The following COL23A1 variants were observed in gnomAD, a reference collection of about 807,000 sequenced individuals.
COL23A1 encodes collagen alpha-1(XXIII) chain.
A neutral mutation model predicts 99.3 loss-of-function variants in COL23A1; 97 were observed. The ratio of observed to expected loss-of-function variants is 0.98; its 90% CI spans 0.83 to 1.16. The LOEUF is 1.16. Ranked by LOEUF, COL23A1 falls within the 50% of genes most tolerant of loss-of-function variation. The pLI, the probability that COL23A1 is intolerant of heterozygous loss-of-function variation, is 0.00. For missense variants in COL23A1, 762 were observed against 757.4 expected, an observed-to-expected ratio of 1.01 and a Z score of -0.07; for synonymous variants, 320 against 308.2, an observed-to-expected ratio of 1.04 and a Z score of -0.40.
At chr5:178,271,452 T>C (rs971436162) in intron 5 of COL23A1, among the ~76,000 whole-genome samples, 17 of 152,214 alleles carry the variant, frequency 1.1e-4, no homozygotes, top group African/African-American at 3.6e-4. Flanking sequence ...TCTAGGGTTT[T>C]CTCCTTCCCA....
chr5:178,285,301 G>A (rs1041383806), intron 5 of COL23A1, among the ~76,000 whole-genome samples: 2 of 152,286 alleles, frequency 1.3e-5, no homozygotes, highest in East Asian at 3.9e-4. Flanking sequence ...CTCTATCCTT[G>A]CTCTTAGAAA....
At chr5:178,252,878 C>A (rs146672247) in intron 16 of COL23A1, among the ~76,000 whole-genome samples, 2 of 152,232 alleles carry the variant, frequency 1.3e-5, no homozygotes, top group Non-Finnish European at 2.9e-5. Context: ...GATTTCTTCA[C>A]GATGTTCCCC....
chr5:178,355,151 C>G (rs1342979776), intron 2 of COL23A1, among the ~76,000 whole-genome samples: 1 of 151,948 alleles, frequency 6.6e-6, no homozygotes, highest in Non-Finnish European at 1.5e-5. Flanking sequence ...CTAGAGATGA[C>G]TTAAAGCATA....
intron 2 of COL23A1, among the ~76,000 whole-genome samples, chr5:178,386,896 G>T (rs1763706316): frequency 6.6e-6 from 1 of 152,152 alleles, no homozygotes; most frequent in Non-Finnish European, 1.5e-5. Context: ...CTGATCGGAT[G>T]CCTGGTAACT....
chr5:178,400,183 G>A lies in COL23A1; in HGVS notation c.362-93264C>T, dbSNP rs570079239. On this transcript the variant is annotated intron_variant, in intron 2 of 28. Coordinates refer to ENST00000390654, the MANE Select transcript of COL23A1 (RefSeq NM_173465.4). ...AGATCGAGACCATCCTGGCTAACACGGTGAAACCCTGTCCCTACTAAAAAT... is the reference window on the plus strand; with the variant it reads ...AGATCGAGACCATCCTGGCTAACACAGTGAAACCCTGTCCCTACTAAAAAT... 4.6e-5 allele frequency among the ~76,000 whole-genome samples: 7 copies of A among 152,038 alleles called. No individual in the cohort carries two copies. In the South Asian group the frequency reaches 8.3e-4, roughly 18 times the overall value.
intron 1 of COL23A1, chr5:178,562,071 G>T: frequency 1.9e-6 from 1 of 533,090 alleles, no homozygotes; most frequent in South Asian, 1.5e-5. Context: ...GTGGGTTCGT[G>T]GTCTCGCTGA....
chr5:178,247,675 A>C, intron 21 of COL23A1, 100 bp downstream of exon 21: 2 of 1,549,888 alleles, frequency 1.3e-6, no homozygotes, highest in Non-Finnish European at 8.9e-7. Flanking sequence ...CTGAACGAAG[A>C]AGCCCGCTCT....
chr5:178,357,950 A>G (rs888483173), intron 2 of COL23A1, among the ~76,000 whole-genome samples: 52 of 140,792 alleles, frequency 3.7e-4, no homozygotes, highest in Non-Finnish European at 6.9e-4. Flanking sequence ...ATGTGTGTGT[A>G]TGTATATGTG....
At chr5:178,247,399 G>A in intron 22 of COL23A1, 127 bp downstream of exon 22, 1 of 1,064,498 alleles carries the variant, frequency 9.4e-7, no homozygotes, top group South Asian at 1.4e-5. Context: ...GGACGTTCAG[G>A]CGCTGGGAAG....
intron 2 of COL23A1, among the ~76,000 whole-genome samples, chr5:178,380,253 G>A (rs1011389023): frequency 6.6e-6 from 1 of 152,084 alleles, no homozygotes; most frequent in Non-Finnish European, 1.5e-5. Flanking sequence ...AGAACCTGCT[G>A]GGGGGGACTG....
At chr5:178,244,241 G>A (rs908151782) in intron 25 of COL23A1, among the ~76,000 whole-genome samples, 4 of 151,652 alleles carry the variant, frequency 2.6e-5, no homozygotes, top group African/African-American at 7.3e-5. Context: ...CACCCGCCTC[G>A]GCTTCCCAAA....
chr5:178,332,717 G>GA (rs1312531624), intron 2 of COL23A1, among the ~76,000 whole-genome samples: 6 of 151,788 alleles, frequency 4.0e-5, no homozygotes, highest in Admixed American at 2.0e-4. Flanking sequence ...ACCTTTATTA[G>GA]AAAAAAAGCA....
At chr5:178,390,296 G>A (rs1255260171) in intron 2 of COL23A1, among the ~76,000 whole-genome samples, 4 of 152,256 alleles carry the variant, frequency 2.6e-5, no homozygotes, top group Non-Finnish European at 2.9e-5. Flanking sequence ...GATCATGTGG[G>A]ATGTACGGTC....
chr5:178,259,702 C>A lies in COL23A1; in HGVS notation c.729+19G>T. 6.2e-7 allele frequency: 1 copy of A among 1,600,948 alleles called. No individual in the cohort carries two copies. The highest frequency in any genetic ancestry group is 2.3e-5 in the East Asian group (1 of 44,398). The stretch of plus-strand genomic sequence containing the variant: ...CTTCCCAACACTGACCCGGAAGCTC[C>A]TCCATTGGCCCCTCTCACCTTCTTT... On this transcript the variant is annotated intron_variant, in intron 12 of 28. Coordinates refer to ENST00000390654, the MANE Select transcript of COL23A1 (RefSeq NM_173465.4).
At chr5:178,485,767 G>C (rs1581482149) in intron 2 of COL23A1, among the ~76,000 whole-genome samples, 1 of 124,392 alleles carries the variant, frequency 8.0e-6, no homozygotes. Flanking sequence ...GGGTGACAGA[G>C]TGACTCCATC....
chr5:178,409,208 G>A (rs972022162), intron 2 of COL23A1, among the ~76,000 whole-genome samples: 3 of 152,020 alleles, frequency 2.0e-5, no homozygotes, highest in Non-Finnish European at 4.4e-5. Context: ...TGGTATAACC[G>A]CACCATAAAA....
chr5:178,263,049 G>C (rs1393784060), intron 9 of COL23A1, among the ~76,000 whole-genome samples, 159 bp downstream of exon 9: 2 of 152,122 alleles, frequency 1.3e-5, no homozygotes, highest in African/African-American at 4.8e-5. Context: ...CTGGATCTTG[G>C]TTGGAGTTAA....
Position 178,415,178 on chromosome 5 carries a change from T to A in COL23A1, c.362-108259A>T, listed in dbSNP as rs779795356. On this transcript the variant is annotated intron_variant, in intron 2 of 28. Coordinates refer to ENST00000390654, the MANE Select transcript of COL23A1 (RefSeq NM_173465.4). This position sits in a 1 kb window ranked among gnomAD's most constrained non-coding sequence, Gnocchi z 4.6. Reference sequence around the variant, plus strand: ...GCCTCTGACTCTCCCAGGAAGGAGCTCCAGTCAAGGATCCTGGCATCTTGC... The same window carrying A: ...GCCTCTGACTCTCCCAGGAAGGAGCACCAGTCAAGGATCCTGGCATCTTGC... Among the ~76,000 whole-genome samples the A allele has an allele frequency of 2.6e-5, 4 of 152,148 alleles. No homozygotes were observed. The highest frequency in any genetic ancestry group is 4.4e-5 in the Non-Finnish European group (3 of 68,024).
intron 5 of COL23A1, among the ~76,000 whole-genome samples, chr5:178,286,252 G>A (rs1475899382): frequency 1.3e-5 from 2 of 152,176 alleles, no homozygotes; most frequent in Non-Finnish European, 2.9e-5. Flanking sequence ...CTGCTGGTAG[G>A]ACCAGGGGCA....
Sources: allele counts gnomAD v4.1 joint callset (sites outside exome capture counted in the v4.1 genomes callset), GRCh38; gene constraint gnomAD v4.1.1; non-coding constraint Gnocchi (gnomAD v3.1); transcripts MANE v1.5; gene names NCBI Gene and HGNC (gene_info 2026-07-23, HGNC 2026-07-21).